The following TUBGCP2 variants were observed in gnomAD, a reference collection of about 807,000 sequenced individuals.
TUBGCP2 encodes tubulin gamma complex component 2.
Under a neutral mutation model 92.2 loss-of-function variants are expected in TUBGCP2, and 55 were observed. The observed-to-expected ratio is 0.60, with a 90% CI of 0.48 to 0.75. The LOEUF (loss-of-function observed/expected upper bound fraction) is 0.75, where lower values mean the gene tolerates loss of function less well. Among genes scored for constraint, TUBGCP2 ranks in the 30% least tolerant of loss-of-function variants. The pLI, the probability that TUBGCP2 is intolerant of heterozygous loss-of-function variation, is 0.00. For missense variants in TUBGCP2, 1,093 were observed against 1,188.9 expected, an observed-to-expected ratio of 0.92 and a Z score of 1.19; for synonymous variants, 533 against 505.2, an observed-to-expected ratio of 1.06 and a Z score of -0.74.
intron 16 of TUBGCP2, 77 bp from the exon 17 acceptor site, chr10:133,281,513 G>C: frequency 6.5e-7 from 1 of 1,534,716 alleles, no homozygotes; most frequent in Non-Finnish European, 8.8e-7. Context: ...GTTCCCAGCA[G>C]GCCGGTGTCC....
chr10:133,309,160 G>A (rs1023116106), upstream of TUBGCP2: 5 of 1,378,594 alleles, frequency 3.6e-6, no homozygotes, highest in African/African-American at 6.1e-5. Context: ...CGGCGAGGCG[G>A]GGCCGGAGCC....
chr10:133,311,812 G>A (rs893005233), upstream of TUBGCP2: 13 of 1,613,150 alleles, frequency 8.1e-6, no homozygotes, highest in African/African-American at 2.7e-5. Context: ...CCCCTGCACC[G>A]GCAGGTGAGA....
chr10:133,281,613 G>A (rs1846979743), intron 16 of TUBGCP2, 177 bp from the exon 17 acceptor site: 1 of 843,478 alleles, frequency 1.2e-6, no homozygotes, highest in Non-Finnish European at 1.8e-6. Context: ...AAACATTCCT[G>A]AGAACCCAGC....
chr10:133,282,015 C>T (rs184820328), intron 16 of TUBGCP2, among the ~76,000 whole-genome samples: 1 of 152,256 alleles, frequency 6.6e-6, no homozygotes, highest in Non-Finnish European at 1.5e-5. Context: ...CCCTCGAGCC[C>T]GACTGGCTGA....
upstream of TUBGCP2, chr10:133,310,068 C>T (rs878952123): frequency 1.6e-5 from 26 of 1,609,476 alleles, no homozygotes; most frequent in South Asian, 7.7e-5. Flanking sequence ...CGGGCAAGGC[C>T]GGGGACACCT....
intron 9 of TUBGCP2, 36 bp from the exon 10 acceptor site, chr10:133,289,056 A>G (rs532753796): frequency 1.7e-5 from 27 of 1,591,466 alleles, no homozygotes; most frequent in Non-Finnish European, 2.1e-5. Flanking sequence ...TATTCTCCAC[A>G]TGGTCGATCT....
At chr10:133,280,020 G>C in intron 17 of TUBGCP2, 119 bp from the exon 18 acceptor site, 1 of 1,449,156 alleles carries the variant, frequency 6.9e-7, no homozygotes, top group Non-Finnish European at 9.2e-7. Flanking sequence ...GTGCGTGCTG[G>C]GCAGCAGGGG....
chr10:133,309,410 C>T (rs1352099285), upstream of TUBGCP2: 7 of 1,612,290 alleles, frequency 4.3e-6, no homozygotes, highest in Non-Finnish European at 5.9e-6. Flanking sequence ...TGCAGCGCCA[C>T]CTCTACCTCC....
Position 133,285,095 on chromosome 10 carries a change from A to AGTG in TUBGCP2, c.2011_2013dup (p.His671dup). 1 of 1,606,644 alleles carries AGTG rather than the reference A, an allele frequency of 6.2e-7. No individual in the cohort carries two copies. The highest frequency in any genetic ancestry group is 8.5e-7 in the Non-Finnish European group (1 of 1,174,736). On this transcript the variant is annotated inframe_insertion, in exon 13 of 18. Transcript: ENST00000252936. The surrounding 1 kb of genome is among the most constrained non-coding windows in gnomAD (Gnocchi z 6.8). ...AGAGGAAGAACGCACCACTGGGCGG[A>AGTG]GTGCAGCGAGTGCTGCTTGGCGGTT...
intron 1 of TUBGCP2, among the ~76,000 whole-genome samples, chr10:133,304,383 T>C (rs1477205481): frequency 6.6e-6 from 1 of 151,836 alleles, no homozygotes; most frequent in African/African-American, 2.4e-5. Context: ...TTCACAAACA[T>C]TTCATCTACA....
chr10:133,293,127 C>A lies in TUBGCP2; in HGVS notation c.936G>T (p.Gln312His), dbSNP rs1179166688. Residue 312 changes from glutamine to histidine, a missense_variant, in exon 7 of 18, where the codon CAG (glutamine) becomes CAT (histidine). Physicochemically the swap from Gln to His is conservative, Grantham distance 24 (BLOSUM62 0). Around this residue, in one of 3 missense-constraint regions of TUBGCP2, gnomAD observed 490 missense variants for 488.5 expected, o/e 1.00. Transcript: ENST00000252936. Reference protein sequence around the residue: ...EHLILVSQLEQLHRQGLLSLQ... With the variant: ...EHLILVSQLEHLHRQGLLSLQ... ...GCGAAAGGAGGCCCTGCCTGTGCAG[C>A]TGCTCCAGCTGTGACACCAGAATCA... 1 of 1,613,798 alleles carries A rather than the reference C, an allele frequency of 6.2e-7. No homozygotes were observed.
At position 133,285,555 on chromosome 10, in the gene TUBGCP2, G is replaced by A. The variant is rs371915189; in HGVS notation, c.1796C>T (p.Ala599Val). 9.5e-6 allele frequency: 15 copies of A among 1,577,688 alleles called. No homozygotes were observed. Among genetic ancestry groups the A allele is most frequent in the African/African-American group, 6.8e-5 (5 of 73,876 alleles). Residue 599 changes from alanine to valine, a missense_variant, in exon 12 of 18, where the codon GCG becomes GTG. By Grantham distance (64) the Ala-to-Val change is moderately conservative. Around this residue, in one of 3 missense-constraint regions of TUBGCP2, gnomAD observed 598 missense variants for 675.5 expected, o/e 0.89. Transcript: ENST00000252936. This position sits in a 1 kb window ranked among gnomAD's most constrained non-coding sequence, Gnocchi z 6.8. ...VLAIETKQEKAMAHADPTELA... is the reference protein window; with the variant it reads ...VLAIETKQEKVMAHADPTELA... ...CTCCGTGGGGTCGGCGTGCGCCATCGCCTTCTCCTGCTTGGTCTCGATGGC... is the reference window on the plus strand; with the variant it reads ...CTCCGTGGGGTCGGCGTGCGCCATCACCTTCTCCTGCTTGGTCTCGATGGC...
chr10:133,292,017 A>G (rs575672454), intron 8 of TUBGCP2, among the ~76,000 whole-genome samples: 2 of 3,286 alleles, frequency 6.1e-4, no homozygotes, highest in African/African-American at 2.0e-3. Flanking sequence ...CGTGTCCCCC[A>G]TGTCCCTCTG....
At chr10:133,301,700 C>CTTTTTTTTTTTTT (rs71016439) in intron 2 of TUBGCP2, 4 of 87,254 alleles carry the variant, frequency 4.6e-5, no homozygotes, top group African/African-American at 1.5e-4. Context: ...CAGTCCCTCC[C>CTTTTTTTTTTTTT]TTTTTTTTTT....
chr10:133,308,790 T>G (rs561933203), intron 1 of TUBGCP2, 33 bp downstream of exon 1: 2 of 510,120 alleles, frequency 3.9e-6, no homozygotes, highest in Non-Finnish European at 5.8e-6. Context: ...AACCCCCTCA[T>G]CACGCCCGCG....
At position 133,293,165 on chromosome 10, in the gene TUBGCP2, C is replaced by T. The variant is rs1487665251; in HGVS notation, c.898G>A (p.Val300Met). 1.2e-6 allele frequency: 2 copies of T among 1,613,832 alleles called. No homozygotes were observed. Among genetic ancestry groups the T allele is most frequent in the Non-Finnish European group, 1.7e-6 (2 of 1,180,058 alleles). The change falls in exon 7 of 18, where the codon GTG (valine) becomes ATG (methionine). Residue 300 changes from valine (V) to methionine (M), a missense_variant. Val to Met is a conservative substitution (Grantham distance 21). Around this residue, in one of 3 missense-constraint regions of TUBGCP2, gnomAD observed 490 missense variants for 488.5 expected, o/e 1.00. Transcript: ENST00000252936. The part of the protein sequence containing the change: ...HALAAAMRTL[V>M]KEHLILVSQL... Reference sequence around the variant, plus strand: ...GACACCAGAATCAGGTGCTCCTTCACCAGGGTGCGCATGGCGGCCGCCAGG... The same window carrying T: ...GACACCAGAATCAGGTGCTCCTTCATCAGGGTGCGCATGGCGGCCGCCAGG...
At chr10:133,307,096 C>T (rs1847840622) in intron 1 of TUBGCP2, among the ~76,000 whole-genome samples, 1 of 152,258 alleles carries the variant, frequency 6.6e-6, no homozygotes, top group South Asian at 2.1e-4. Flanking sequence ...CAGAAATGCA[C>T]AGCGTCCCAC....
chr10:133,311,487 C>T (rs1174623902), upstream of TUBGCP2: 1 of 478,724 alleles, frequency 2.1e-6, no homozygotes, highest in Non-Finnish European at 3.7e-6. Context: ...ATGATTGTTA[C>T]AGTTAAGTTT....
rs769852369 is a variant in TUBGCP2, at chr10:133,299,508, C to T, written c.375G>A (p.Ala125=). The T allele has an allele frequency of 9.3e-6, 15 of 1,613,494 alleles. No homozygotes were observed. The Middle Eastern group carries it at 5.0e-4, about 53-fold the overall frequency. The stretch of plus-strand genomic sequence containing the variant: ...GCTCCTGCATGGAGATCTTGGAGGC[C>T]GCGGCAGGGACGTTGATGCTGGTGG... The part of the protein sequence containing the change: ...SSTTSINVPA[A]ASKISMQELE... The change falls in exon 4 of 18, where the codon GCG becomes GCA. Residue 125 remains alanine (A), a synonymous_variant. Coordinates refer to ENST00000252936, the MANE Select transcript of TUBGCP2 (RefSeq NM_006659.4).
Sources: allele counts gnomAD v4.1 joint callset (sites outside exome capture counted in the v4.1 genomes callset), GRCh38; gene constraint gnomAD v4.1.1; regional missense constraint gnomAD v4.1.1; non-coding constraint Gnocchi (gnomAD v3.1); transcripts MANE v1.5; gene names NCBI Gene and HGNC (gene_info 2026-07-23, HGNC 2026-07-21).